The following SEMA4B variants were observed in gnomAD, a reference collection of about 807,000 sequenced individuals.
SEMA4B encodes the protein semaphorin-4B.
Under a neutral mutation model 88.1 loss-of-function variants are expected in SEMA4B, and 55 were observed. The ratio of observed to expected loss-of-function variants is 0.62; its 90% CI spans 0.50 to 0.78. SEMA4B has a LOEUF of 0.78. Ranked by LOEUF, SEMA4B falls within the 30% of genes least tolerant of loss-of-function variation. The probability of loss-of-function intolerance (pLI) is 0.00; values close to 1 mark genes in which losing one functional copy is unlikely to be tolerated. For synonymous variants in SEMA4B, 525 were observed against 473.6 expected (o/e 1.11, Z -1.41); for missense variants, 1,062 against 1,111.9 (o/e 0.96, Z 0.64).
chr15:90,193,945 G>C (rs1323242017), intron 1 of SEMA4B, among the ~76,000 whole-genome samples: 5 of 151,420 alleles, frequency 3.3e-5, no homozygotes, highest in African/African-American at 9.7e-5. Flanking sequence ...TCTGTCTCCC[G>C]GGTTCAAGCG....
chr15:90,217,769 G>A lies in SEMA4B; in HGVS notation c.324G>A (p.Leu108=), dbSNP rs1449271370. The change falls in exon 3 of 14, where the codon CTG becomes CTA. Residue 108 remains leucine (L), a splice_region_variant and synonymous_variant. Transcript: ENST00000411539. ...CCTTCCCCTTTCTCATTCCCCAGCT[G>A]CTTTGGGGTGCAGACGCAGAGAAGA... ...SFLPGGEYQE[L]LWGADAEKKQ... The A allele has an allele frequency of 6.2e-7, 1 of 1,613,364 alleles. No individual in the cohort carries two copies. Among genetic ancestry groups the A allele is most frequent in the Non-Finnish European group, 8.5e-7 (1 of 1,179,628 alleles).
At chr15:90,188,056 T>C (rs759302820) in intron 1 of SEMA4B, among the ~76,000 whole-genome samples, 1 of 150,472 alleles carries the variant, frequency 6.6e-6, no homozygotes, top group Non-Finnish European at 1.5e-5. Context: ...TGGTGGCTCA[T>C]GCCTGTAATC....
intron 12 of SEMA4B, chr15:90,227,145 G>A (rs1962212826): frequency 5.4e-6 from 1 of 183,988 alleles, no homozygotes; most frequent in African/African-American, 2.4e-5. Context: ...CTGGGCTCAA[G>A]CAATCGATCC....
chr15:90,211,047 C>T (rs1709578922), intron 1 of SEMA4B, among the ~76,000 whole-genome samples: 1 of 152,194 alleles, frequency 6.6e-6, no homozygotes, highest in Non-Finnish European at 1.5e-5. Flanking sequence ...TGCCTGATGA[C>T]CCCGATTTCC....
At chr15:90,213,060 A>G (rs12438297) in intron 1 of SEMA4B, among the ~76,000 whole-genome samples, 17,115 of 152,264 alleles carry the variant, frequency 0.11, 1,141 homozygotes, top group Admixed American at 0.19. Context: ...CCACACTGCA[A>G]ACCATGTGCA....
chr15:90,194,294 G>A (rs953856764), intron 1 of SEMA4B, among the ~76,000 whole-genome samples: 18 of 152,172 alleles, frequency 1.2e-4, no homozygotes, highest in African/African-American at 4.3e-4. Context: ...TACTTTGGGA[G>A]GCCAAGGCAG....
At chr15:90,217,195 A>T (rs959999093) in intron 1 of SEMA4B, 1 of 393,840 alleles carries the variant, frequency 2.5e-6, no homozygotes, top group Non-Finnish European at 4.5e-6. Flanking sequence ...TTTTTTATTA[A>T]TGTGAAGGGT....
chr15:90,185,332 C>T (rs920491168), intron 1 of SEMA4B, among the ~76,000 whole-genome samples: 5 of 152,260 alleles, frequency 3.3e-5, no homozygotes, highest in Non-Finnish European at 7.3e-5. Flanking sequence ...GCAGCGTTCA[C>T]ATCGCGCCAG....
chr15:90,188,758 C>T (rs1057027592), intron 1 of SEMA4B, among the ~76,000 whole-genome samples: 1 of 152,106 alleles, frequency 6.6e-6, no homozygotes, highest in African/African-American at 2.4e-5. Flanking sequence ...AGCTCCGCCC[C>T]CCGGATTCAT....
chr15:90,199,100 C>A (rs1176337409), upstream of SEMA4B, among the ~76,000 whole-genome samples: 1 of 152,176 alleles, frequency 6.6e-6, no homozygotes, highest in Non-Finnish European at 1.5e-5. Flanking sequence ...TCTTGAACTC[C>A]TGACCTCAAG....
At chr15:90,216,019 A>T (rs1458091457) in intron 1 of SEMA4B, among the ~76,000 whole-genome samples, 1 of 141,150 alleles carries the variant, frequency 7.1e-6, no homozygotes, top group Non-Finnish European at 1.5e-5. Flanking sequence ...ATGGAGTTTC[A>T]CTCTTGTTGC....
At chr15:90,200,957 G>A (rs1322184910), upstream of SEMA4B, among the ~76,000 whole-genome samples, 1 of 152,230 alleles carries the variant, frequency 6.6e-6, no homozygotes, top group Non-Finnish European at 1.5e-5. Context: ...GAGCAAGAGC[G>A]GAGGGGGCGC....
chr15:90,227,736 A>G, intron 13 of SEMA4B, 94 bp downstream of exon 13: 1 of 1,477,238 alleles, frequency 6.8e-7, no homozygotes, highest in South Asian at 1.2e-5. Flanking sequence ...GCCTTTCCTC[A>G]CTTCCTTGCC....
chr15:90,213,922 C>G (rs1277055409), intron 1 of SEMA4B, among the ~76,000 whole-genome samples: 2 of 152,234 alleles, frequency 1.3e-5, no homozygotes, highest in Non-Finnish European at 2.9e-5. Context: ...GACGATGTCT[C>G]TGCTGCCTGA....
chr15:90,192,555 C>T lies in SEMA4B; in HGVS notation c.-122+7474C>T, dbSNP rs74251741. ...TGTTCATTTGCTTTTTACTTTTAGCCATGCTTCCCTTTATTTTCTTTCCCT... is the reference window on the plus strand; with the variant it reads ...TGTTCATTTGCTTTTTACTTTTAGCTATGCTTCCCTTTATTTTCTTTCCCT... On this transcript the variant is annotated intron_variant, in intron 1 of 14. Transcript: ENST00000332496. Among the ~76,000 whole-genome samples, 1,708 of 150,860 alleles carry T rather than the reference C, an allele frequency of 0.011. 103 individuals are homozygous for T. In the East Asian group the frequency reaches 0.18, roughly 16 times the overall value.
At chr15:90,197,928 TAA>T (rs1316822635), upstream of SEMA4B, among the ~76,000 whole-genome samples, 2 of 149,216 alleles carry the variant, frequency 1.3e-5, no homozygotes, top group African/African-American at 5.1e-5. Context: ...ATTAATTAAT[TAA>T]TTTTTTTTTT....
At position 90,226,421 on chromosome 15, in the gene SEMA4B, A is replaced by G. The variant is rs528000535; in HGVS notation, c.1688+594A>G. Among the ~76,000 whole-genome samples the G allele has an allele frequency of 2.0e-5, 3 of 152,120 alleles. No individual in the cohort carries two copies. In the South Asian group the frequency reaches 6.2e-4, roughly 32 times the overall value. On this transcript the variant is annotated intron_variant, in intron 12 of 13. Transcript: ENST00000411539. ...AGTGGCACAATCTCGGTTCACTGCA[A>G]CCTCCACGTCCTGGGTTCAAGCGAT...
chr15:90,204,505 G>A (rs1960898424), intron 1 of SEMA4B, among the ~76,000 whole-genome samples: 1 of 152,192 alleles, frequency 6.6e-6, no homozygotes, highest in African/African-American at 2.4e-5. Flanking sequence ...AGAGGAGGAT[G>A]AGGGGACAGC....
chr15:90,186,086 A>C (rs1428770310), intron 1 of SEMA4B, among the ~76,000 whole-genome samples: 2 of 151,786 alleles, frequency 1.3e-5, no homozygotes, highest in Non-Finnish European at 2.9e-5. Context: ...GGCGTGTGCC[A>C]CCATGCCAAG....
Sources: allele counts gnomAD v4.1 joint callset (sites outside exome capture counted in the v4.1 genomes callset), GRCh38; gene constraint gnomAD v4.1.1; transcripts MANE v1.5; gene names NCBI Gene and HGNC (gene_info 2026-07-23, HGNC 2026-07-21).